LIG3: variants seen among roughly 807,000 people sequenced by gnomAD.
The protein encoded by LIG3 is ligase II, DNA, ATP-dependent.
A neutral mutation model predicts 110.9 loss-of-function variants in LIG3; 58 were observed. The ratio of observed to expected loss-of-function variants is 0.52; its 90% confidence interval spans 0.42 to 0.65. The LOEUF (loss-of-function observed/expected upper bound fraction) is 0.65, where lower values mean the gene tolerates loss of function less well. Among genes scored for constraint, LIG3 ranks in the 30% least tolerant of loss-of-function variants. The pLI, the probability that LIG3 is intolerant of heterozygous loss-of-function variation, is 0.00. For synonymous variants in LIG3, 422 were observed against 472.8 expected (o/e 0.89, Z 1.39); for missense variants, 1,094 against 1,273.8 (o/e 0.86, Z 2.15).
At position 35,004,467 on chromosome 17, in the gene LIG3, G is replaced by A. The variant is rs1195324437; in HGVS notation, c.2991G>A (p.Trp997Ter). ...AGCAGGTCTCCCCAGAGTGGATTTGGGCATGTATCCGGAAACGGAGACTGG... is the reference window on the plus strand; with the variant it reads ...AGCAGGTCTCCCCAGAGTGGATTTGAGCATGTATCCGGAAACGGAGACTGG... ...AAQQVSPEWIWACIRKRRLVA... is the reference protein window; with the variant it reads ...AAQQVSPEWI Residue 997 changes from tryptophan to a stop codon, truncating the protein, a stop_gained, in exon 20 of 20, where the codon TGG (tryptophan) becomes TGA (stop). Coordinates refer to ENST00000378526, the MANE Select transcript of LIG3 (RefSeq NM_013975.4). LOFTEE classifies it high-confidence loss of function. 6.2e-7 allele frequency: 1 copy of A among 1,613,972 alleles called. No individual in the cohort carries two copies. The highest frequency in any genetic ancestry group is 8.5e-7 in the Non-Finnish European group (1 of 1,179,990).
intron 14 of LIG3, 149 bp downstream of exon 14, chr17:34,998,876 C>G: frequency 9.1e-6 from 8 of 880,226 alleles, no homozygotes; most frequent in Non-Finnish European, 1.4e-5. Context: ...TGGCCTGAGT[C>G]ACCTCAGGCA....
In LIG3 at chr17:34,983,232, G is replaced by A. The variant is rs1402186516; in HGVS notation, c.227G>A (p.Gly76Glu). Residue 76 changes from glycine (G) to glutamate (E), a missense_variant, in exon 2 of 20, where the codon GGG becomes GAG. By Grantham distance (98) the Gly-to-Glu change is moderately conservative (BLOSUM62 -2). Coordinates refer to ENST00000378526, the MANE Select transcript of LIG3 (RefSeq NM_013975.4). ...GCCACCTACCTTGTTTTCTTGCCAG[G>A]GTTGCATGTGGGACTCTGCAGTGGC... is the stretch of plus-strand genomic sequence containing the variant. ...SRATYLVFLP[G>E]LHVGLCSGPC... The A allele has an allele frequency of 1.2e-6, 2 of 1,614,168 alleles. No homozygotes were observed. Among genetic ancestry groups the A allele is most frequent in the South Asian group, 2.2e-5 (2 of 91,078 alleles).
chr17:34,998,184 C>T (rs769499078), intron 12 of LIG3, 35 bp from the exon 13 acceptor site: 3 of 1,565,182 alleles, frequency 1.9e-6, no homozygotes, highest in South Asian at 2.3e-5. Context: ...CTTCTCCACT[C>T]TCACACCAAC....
intron 3 of LIG3, among the ~76,000 whole-genome samples, chr17:34,989,140 C>G (rs750159245): frequency 1.3e-5 from 2 of 152,092 alleles, no homozygotes; most frequent in Non-Finnish European, 2.9e-5. Context: ...CTGTGCCCAG[C>G]CAGTCCTGAT....
At chr17:34,985,937 T>C in intron 2 of LIG3, 51 bp from the exon 3 acceptor site, 1 of 1,587,066 alleles carries the variant, frequency 6.3e-7, no homozygotes, top group Non-Finnish European at 8.6e-7. Flanking sequence ...GGATGTTTTT[T>C]TCAGAGATCG....
At chr17:34,991,261 G>A in intron 5 of LIG3, 147 bp downstream of exon 5, 1 of 717,314 alleles carries the variant, frequency 1.4e-6, no homozygotes, top group Non-Finnish European at 2.3e-6. Context: ...GTTATAGGGG[G>A]AGCTGAATGT....
At chr17:34,982,137 A>AAG (rs2090602276) in intron 1 of LIG3, among the ~76,000 whole-genome samples, 1 of 152,230 alleles carries the variant, frequency 6.6e-6, no homozygotes, top group Non-Finnish European at 1.5e-5. Flanking sequence ...GAACAGAGGT[A>AAG]AGAAACCCAT....
Position 34,996,141 on chromosome 17 carries a change from G to T in LIG3, c.1689G>T (p.Leu563=), listed in dbSNP as rs931878808. The T allele has an allele frequency of 3.1e-6, 5 of 1,614,046 alleles. No individual in the cohort carries two copies. In the African/African-American group the frequency reaches 5.3e-5, roughly 17 times the overall value. ...TGATCTTGGATTCTGAAGTGCTTCT[G>T]ATTGACAACAAGACAGGCAAACCAC... ...HSMILDSEVL[L]IDNKTGKPLP... is the part of the protein sequence containing the mutation. The change falls in exon 10 of 20, where the codon CTG becomes CTT. Residue 563 remains leucine (L), a synonymous_variant. Transcript: ENST00000378526.
intron 19 of LIG3, chr17:35,003,327 C>G (rs1257763699): frequency 9.9e-6 from 5 of 506,642 alleles, no homozygotes; most frequent in African/African-American, 9.7e-5. Flanking sequence ...TGAGATAAGT[C>G]TCGCTCTGTT....
At position 35,004,456 on chromosome 17, in the gene LIG3, G is replaced by C. The variant is rs752987056; in HGVS notation, c.2980G>C (p.Glu994Gln). ...CCCTGCGGCCCAGCAGGTCTCCCCA[G>C]AGTGGATTTGGGCATGTATCCGGAA... ...KNPAAQQVSP[E>Q]WIWACIRKRR... The change falls in exon 20 of 20, where the codon GAG (glutamate) becomes CAG (glutamine). Residue 994 changes from glutamate to glutamine, a missense_variant. Transcript: ENST00000378526. 1.4e-5 allele frequency: 23 copies of C among 1,614,190 alleles called. No homozygotes were observed. Among genetic ancestry groups the C allele is most frequent in the Non-Finnish European group, 1.8e-5 (21 of 1,180,016 alleles).
intron 2 of LIG3, among the ~76,000 whole-genome samples, chr17:34,983,995 G>A (rs1404192387): frequency 4.6e-5 from 7 of 152,176 alleles, no homozygotes; most frequent in African/African-American, 1.7e-4. Context: ...TAAACCATTT[G>A]AGAATAAGTT....
At chr17:34,995,142 T>C (rs2090764859) in intron 9 of LIG3, among the ~76,000 whole-genome samples, 1 of 152,198 alleles carries the variant, frequency 6.6e-6, no homozygotes, top group Non-Finnish European at 1.5e-5. Flanking sequence ...TAACTCAGAC[T>C]CAGTTTTTCA....
At position 35,005,941 on chromosome 17, in the gene LIG3, G is replaced by A. The variant is rs567819443; in HGVS notation, c.*1435G>A. ...GTATCAGAGAGACAAGTTTATCACA[G>A]TATTTTTTTTTTTCCTGCTGACCTA... is the stretch of plus-strand genomic sequence containing the variant. On this transcript the variant is annotated 3_prime_UTR_variant, in exon 20 of 20. Transcript: ENST00000378526. The A allele has an allele frequency of 8.8e-4, 239 of 272,726 alleles. 1 individual carries two copies. Among genetic ancestry groups the A allele is most frequent in the African/African-American group, 7.5e-3 (234 of 31,266 alleles). 16.9% of individuals were successfully genotyped at this position (272,726 alleles called of 1,614,324 possible).
chr17:34,989,844 C>T, intron 4 of LIG3, 181 bp downstream of exon 4: 1 of 604,912 alleles, frequency 1.7e-6, no homozygotes, highest in Non-Finnish European at 2.9e-6. Flanking sequence ...GCATTTTGCA[C>T]TGTACTCCAC....
In LIG3 at chr17:35,004,792, A is replaced by G. The variant is rs2090882178; in HGVS notation, c.*286A>G. ...CTTAGTTACCCTTTTTATAAATAAAATATCTTGCAGTTATCTTTGTCCTTT... is the reference window on the plus strand; with the variant it reads ...CTTAGTTACCCTTTTTATAAATAAAGTATCTTGCAGTTATCTTTGTCCTTT... On this transcript the variant is annotated 3_prime_UTR_variant, in exon 20 of 20. Transcript: ENST00000378526. 5.0e-6 allele frequency: 2 copies of G among 398,418 alleles called. No individual in the cohort carries two copies. The highest frequency in any genetic ancestry group is 9.1e-6 in the Non-Finnish European group (2 of 219,244). 24.7% of individuals were successfully genotyped at this position (398,418 alleles called of 1,614,324 possible).
In LIG3 at chr17:35,004,419, C is replaced by G; in HGVS notation, c.2943C>G (p.Ser981Arg). 6.2e-7 allele frequency: 1 copy of G among 1,614,198 alleles called. No individual in the cohort carries two copies. The highest frequency in any genetic ancestry group is 2.2e-5 in the East Asian group (1 of 44,866). The part of the protein sequence containing the change: ...DMTSATHVLG[S>R]RDKNPAAQQV... ...CTTCAGCCACGCACGTGCTGGGTAG[C>G]AGGGACAAGAACCCTGCGGCCCAGC... Residue 981 changes from serine to arginine, a missense_variant, in exon 20 of 20, where the codon AGC (serine) becomes AGG (arginine). Coordinates refer to ENST00000378526, the MANE Select transcript of LIG3 (RefSeq NM_013975.4).
chr17:34,982,562 G>A (rs1043661771), intron 1 of LIG3, among the ~76,000 whole-genome samples: 1 of 151,694 alleles, frequency 6.6e-6, no homozygotes, highest in Non-Finnish European at 1.5e-5. Context: ...CAGGAGAATC[G>A]CTTGAACCCG....
Position 34,991,906 on chromosome 17 carries a change from T to C in LIG3, c.1209-52T>C, listed in dbSNP as rs552091875. On this transcript the variant is annotated intron_variant, in intron 6 of 19. Coordinates refer to ENST00000378526, the MANE Select transcript of LIG3 (RefSeq NM_013975.4). ...ACTCTCTTGGGAAGGGAAGGTTCCCTTGGGGTTCCAGAGCTCTTCAAGACC... is the reference window on the plus strand; with the variant it reads ...ACTCTCTTGGGAAGGGAAGGTTCCCCTGGGGTTCCAGAGCTCTTCAAGACC... 54 of 1,613,614 alleles carry C rather than the reference T, an allele frequency of 3.3e-5. No individual in the cohort carries two copies. The South Asian group carries it at 4.6e-4, about 14-fold the overall frequency.
intron 9 of LIG3, among the ~76,000 whole-genome samples, chr17:34,994,796 A>G (rs1165666444): frequency 6.6e-6 from 1 of 152,182 alleles, no homozygotes; most frequent in Non-Finnish European, 1.5e-5. Flanking sequence ...ACCAGGGGCT[A>G]TTGGGCTGTC....
Sources: allele counts gnomAD v4.1 joint callset (sites outside exome capture counted in the v4.1 genomes callset), GRCh38; gene constraint gnomAD v4.1.1; transcripts MANE v1.5; gene names NCBI Gene and HGNC (gene_info 2026-07-23, HGNC 2026-07-21).